Variants in DAB1 observed in about 807,000 individuals in gnomAD.
The protein encoded by DAB1 is DAB adaptor protein 1.
Under a neutral mutation model 64.6 loss-of-function variants are expected in DAB1, and 15 were observed. That is an observed-to-expected ratio of 0.23 (90% CI 0.16 to 0.36). DAB1 has a LOEUF of 0.36. Ranked by LOEUF, DAB1 falls within the 10% of genes least tolerant of loss-of-function variation. The probability of loss-of-function intolerance (pLI) is 1.00; values close to 1 mark genes in which losing one functional copy is unlikely to be tolerated. For synonymous variants in DAB1, 235 were observed against 251.9 expected, an observed-to-expected ratio of 0.93 and a Z score of 0.64; for missense variants, 596 against 706.7, an observed-to-expected ratio of 0.84 and a Z score of 1.78.
At chr1:58,299,600 C>A (rs932196000) in intron 4 of DAB1, among the ~76,000 whole-genome samples, 1 of 152,194 alleles carries the variant, frequency 6.6e-6, no homozygotes, top group Non-Finnish European at 1.5e-5. Context: ...TAGGGGCACA[C>A]AGTCAGAGCC....
intron 2 of DAB1, among the ~76,000 whole-genome samples, chr1:57,211,382 T>C (rs1345779124): frequency 6.6e-6 from 1 of 152,176 alleles, no homozygotes; most frequent in East Asian, 1.9e-4. Context: ...GTATCACTTT[T>C]GTAACAAACT....
At chr1:58,134,904 G>A (rs1363121717) in intron 5 of DAB1, among the ~76,000 whole-genome samples, 4 of 152,074 alleles carry the variant, frequency 2.6e-5, no homozygotes, top group African/African-American at 9.7e-5. Flanking sequence ...TAGACAGGAT[G>A]AAAAATGACA....
intron 4 of DAB1, among the ~76,000 whole-genome samples, chr1:58,232,324 CT>C (rs1350623321): frequency 6.6e-6 from 1 of 152,170 alleles, no homozygotes; most frequent in African/African-American, 2.4e-5. Context: ...AGTGGTCTTC[CT>C]TCAGCATGCC....
intron 1 of DAB1, among the ~76,000 whole-genome samples, chr1:57,320,800 G>A (rs948620119): frequency 3.3e-5 from 5 of 152,046 alleles, no homozygotes; most frequent in African/African-American, 1.2e-4. Context: ...AAAACCCTAT[G>A]TGGTAGTTAT....
intron 7 of DAB1, among the ~76,000 whole-genome samples, chr1:57,453,569 C>T (rs1025102874): frequency 9.9e-5 from 15 of 152,056 alleles, no homozygotes; most frequent in African/African-American, 3.1e-4. Context: ...AACTACAGCT[C>T]CAAGTTTGTA....
chr1:57,856,198 G>T (rs996855619), intron 1 of DAB1, among the ~76,000 whole-genome samples: 2 of 152,096 alleles, frequency 1.3e-5, no homozygotes, highest in Non-Finnish European at 2.9e-5. Flanking sequence ...CTGGGGGGTT[G>T]CTTCACAAGA....
At chr1:58,336,410 T>G (rs1246556394) in intron 4 of DAB1, among the ~76,000 whole-genome samples, 1 of 152,226 alleles carries the variant, frequency 6.6e-6, no homozygotes, top group East Asian at 1.9e-4. Flanking sequence ...GAGGTTGAGA[T>G]GTTTTATTTA....
In DAB1 at chr1:57,345,958, T is replaced by C. The variant is rs1678044890; in HGVS notation, c.-136-54792A>G. 2.6e-5 allele frequency among the ~76,000 whole-genome samples: 4 copies of C among 152,322 alleles called. No homozygotes were observed. In the South Asian group the frequency reaches 8.3e-4, roughly 32 times the overall value. On this transcript the variant is annotated intron_variant, in intron 1 of 14. Coordinates refer to ENST00000371236, the MANE Select transcript of DAB1 (RefSeq NM_001365792.1). ...GTTACTGGTGTGCATCAGGAATTAG[T>C]AGGCAGTTTAGAAACATGGCTTATG... is the stretch of plus-strand genomic sequence containing the variant.
intron 4 of DAB1, among the ~76,000 whole-genome samples, chr1:57,102,100 A>G (rs143306741): frequency 7.0e-4 from 107 of 152,278 alleles, no homozygotes; most frequent in African/African-American, 2.3e-3. Context: ...AAACAATCAA[A>G]TTTCAATGCA....
chr1:57,849,952 G>T (rs74678448), intron 1 of DAB1, among the ~76,000 whole-genome samples: 2,149 of 152,218 alleles, frequency 0.014, 47 homozygotes, highest in African/African-American at 0.048. Context: ...TTTTATGTGG[G>T]AAGTGACCCT....
intron 7 of DAB1, among the ~76,000 whole-genome samples, chr1:57,558,999 G>A (rs1003895573): frequency 9.9e-5 from 15 of 152,144 alleles, no homozygotes; most frequent in Non-Finnish European, 2.1e-4. Flanking sequence ...GTCTAACAGT[G>A]GGAACCAAAG....
At chr1:57,924,089 T>C (rs1644846090) in intron 5 of DAB1, among the ~76,000 whole-genome samples, 1 of 152,220 alleles carries the variant, frequency 6.6e-6, no homozygotes, top group South Asian at 2.1e-4. Flanking sequence ...ATAACCTTTG[T>C]ATAGCACTTT....
chr1:58,216,364 CT>C (rs1397303539), intron 4 of DAB1, among the ~76,000 whole-genome samples: 2 of 152,110 alleles, frequency 1.3e-5, no homozygotes, highest in Non-Finnish European at 2.9e-5. Flanking sequence ...TGAACTCATC[CT>C]TTTTTATGGC....
intron 7 of DAB1, among the ~76,000 whole-genome samples, chr1:57,569,582 C>A (rs988055431): frequency 6.6e-5 from 10 of 151,476 alleles, no homozygotes; most frequent in Non-Finnish European, 1.3e-4. Context: ...GAACATCATA[C>A]ACCGGGGCCT....
rs1378675602 is a variant in DAB1, at chr1:57,930,737, TC to T, written n.388-46576del. Among the ~76,000 whole-genome samples, 5 of 152,320 alleles carry T rather than the reference TC, an allele frequency of 3.3e-5. No individual in the cohort carries two copies. In the East Asian group the frequency reaches 9.6e-4, roughly 29 times the overall value. On this transcript the variant is annotated intron_variant and non_coding_transcript_variant, in intron 5 of 20. Transcript: ENST00000485760. ...TTAGATCCTGCAACCTGGCTATAAT[TC>T]TTCATTCCAGAAGATTTTTTGTCAA...
At chr1:58,123,359 A>G (rs1461061556) in intron 5 of DAB1, among the ~76,000 whole-genome samples, 2 of 152,120 alleles carry the variant, frequency 1.3e-5, no homozygotes, top group African/African-American at 4.8e-5. Flanking sequence ...CTAAGTCCTT[A>G]CTCCATCTGA....
chr1:58,158,003 A>G (rs574190272), intron 4 of DAB1, among the ~76,000 whole-genome samples: 4 of 152,306 alleles, frequency 2.6e-5, no homozygotes, highest in African/African-American at 7.2e-5. Flanking sequence ...CTGATTAAGG[A>G]AAGTTACTTA....
At chr1:57,477,180 T>C (rs1477894135) in intron 7 of DAB1, among the ~76,000 whole-genome samples, 2 of 152,196 alleles carry the variant, frequency 1.3e-5, no homozygotes, top group East Asian at 1.9e-4. Context: ...ATGAACAACA[T>C]GCAAAACGGT....
At chr1:58,375,507 A>G (rs937541270) in intron 3 of DAB1, among the ~76,000 whole-genome samples, 2 of 145,380 alleles carry the variant, frequency 1.4e-5, no homozygotes, top group African/African-American at 2.5e-5. Flanking sequence ...ATATTGAACC[A>G]GCCTTGCATC....
Sources: gnomAD v4.1 joint callset for allele counts (sites outside exome capture counted in the v4.1 genomes callset) on GRCh38, gnomAD v4.1.1 for gene constraint, MANE v1.5 for transcripts, NCBI Gene and HGNC (gene_info 2026-07-23, HGNC 2026-07-21) for gene names.